The following FPGS variants were observed in gnomAD, a reference collection of about 807,000 sequenced individuals.
FPGS encodes the protein folylpolyglutamate synthase, mitochondrial.
In FPGS, 53 loss-of-function variants were observed where a neutral mutation model predicts 66.5. The ratio of observed to expected loss-of-function variants is 0.80; its 90% CI spans 0.64 to 1.00. FPGS has a LOEUF of 1.00. Among genes scored for constraint, FPGS ranks in the 50% least tolerant of loss-of-function variants. The pLI is 0.00. For missense variants in FPGS, 702 were observed against 807.7 expected (o/e 0.87, Z 1.59); for synonymous variants, 348 against 350.9 (o/e 0.99, Z 0.09).
At chr9:127,809,027 T>C in intron 11 of FPGS, 138 bp downstream of exon 11, 2 of 686,718 alleles carry the variant, frequency 2.9e-6, no homozygotes, top group East Asian at 5.5e-5. Context: ...AGGACTCTGA[T>C]GTCAGCAAAC....
Position 127,812,403 on chromosome 9 carries a change from T to C in FPGS, c.1355-792T>C, listed in dbSNP as rs183246339. 1.2e-3 allele frequency among the ~76,000 whole-genome samples: 183 copies of C among 151,544 alleles called. 3 individuals are homozygous for C. The highest frequency in any genetic ancestry group is 0.01 in the Admixed American group (152 of 15,130). On this transcript the variant is annotated intron_variant, in intron 14 of 14. Coordinates refer to ENST00000373247, the MANE Select transcript of FPGS (RefSeq NM_004957.6). ...TGGAGTGCAGTGGTGCCATCTCGGC[T>C]CATTGCAACTTCTGCCTCCCAGGTT...
At chr9:127,809,513 G>A (rs1034274330) in intron 11 of FPGS, among the ~76,000 whole-genome samples, 171 bp from the exon 12 acceptor site, 1 of 152,162 alleles carries the variant, frequency 6.6e-6, no homozygotes, top group Non-Finnish European at 1.5e-5. Context: ...TGAGACAGCC[G>A]AAAAGCCCAA....
At chr9:127,812,896 T>G (rs1830139019) in intron 14 of FPGS, among the ~76,000 whole-genome samples, 1 of 152,144 alleles carries the variant, frequency 6.6e-6, no homozygotes, top group South Asian at 2.1e-4. Context: ...CCCAGCTGGA[T>G]GTACATTTTA....
In FPGS at chr9:127,810,112, G is replaced by A. The variant is rs1274092360; in HGVS notation, c.1287+6G>A. 1.2e-6 allele frequency: 2 copies of A among 1,612,546 alleles called. No homozygotes were observed. The highest frequency in any genetic ancestry group is 2.2e-5 in the East Asian group (1 of 44,854). The stretch of plus-strand genomic sequence containing the variant: ...CCCTGCTGAAGCTGCTGCAGGTGAG[G>A]GGCCAACTTGGGGGTGGGCGGCAGG... On this transcript the variant is annotated splice_donor_region_variant and intron_variant, in intron 13 of 14. Coordinates refer to ENST00000373247, the MANE Select transcript of FPGS (RefSeq NM_004957.6).
At chr9:127,810,576 C>T (rs966343461) in intron 13 of FPGS, among the ~76,000 whole-genome samples, 1 of 152,108 alleles carries the variant, frequency 6.6e-6, no homozygotes, top group African/African-American at 2.4e-5. Flanking sequence ...TAGGTATCAT[C>T]TCCCATTTCA....
Position 127,802,964 on chromosome 9 carries a change from C to A in FPGS, c.40C>A (p.Leu14Met). Residue 14 changes from leucine (L) to methionine (M), a missense_variant, in exon 1 of 15, where the codon CTG becomes ATG. Physicochemically the swap from Leu to Met is conservative, Grantham distance 15 (BLOSUM62 2). This residue lies in a region of FPGS where 111 missense variants were observed against 95.4 expected (regional missense o/e 1.16). Coordinates refer to ENST00000373247, the MANE Select transcript of FPGS (RefSeq NM_004957.6). ...ARSHLRAALF[L>M]AAASARGITT... ...GAGCCACCTGCGCGCCGCTCTATTC[C>A]TGGCAGCGGCGTCTGCGCGCGGCAT... 6.9e-7 allele frequency: 1 copy of A among 1,452,392 alleles called. No homozygotes were observed. The highest frequency in any genetic ancestry group is 1.4e-5 in the South Asian group (1 of 73,702). The allele number at this position is 1,452,392 out of a possible 1,614,324, so 90.0% of individuals were successfully genotyped here. A position where few individuals can be genotyped will look rare whatever the true frequency, so the allele number is the denominator to read the frequency against.
In FPGS at chr9:127,810,050, T is replaced by TTGCTCTTCAA; in HGVS notation, c.1236_1245dup (p.Thr416LeufsTer22). 6.2e-7 allele frequency: 1 copy of TTGCTCTTCAA among 1,612,922 alleles called. No individual in the cohort carries two copies. The highest frequency in any genetic ancestry group is 1.1e-5 in the South Asian group (1 of 90,936). On this transcript the variant is annotated frameshift_variant, in exon 13 of 15. Coordinates refer to ENST00000373247, the MANE Select transcript of FPGS (RefSeq NM_004957.6). LOFTEE classifies it high-confidence loss of function. ...TCGCAGTGGCCCCGAGGTTCGAGTC[T>TTGCTCTTCAA]TGCTCTTCAATGCTACCGGGGACCG... is the stretch of plus-strand genomic sequence containing the variant.
In FPGS at chr9:127,809,680, C is replaced by T. The variant is rs1420128942; in HGVS notation, c.1061-4C>T. The T allele has an allele frequency of 2.0e-5, 32 of 1,585,756 alleles. No individual in the cohort carries two copies. The highest frequency in any genetic ancestry group is 2.6e-5 in the Non-Finnish European group (31 of 1,173,616). ...TGGAGGACTGCCTTGCTGCCCTCCC[C>T]CAGGGCTTCGGAACACGGAGTGGCC... On this transcript the variant is annotated splice_polypyrimidine_tract_variant and splice_region_variant and intron_variant, in intron 11 of 14. Coordinates refer to ENST00000373247, the MANE Select transcript of FPGS (RefSeq NM_004957.6).
At chr9:127,804,455 G>A (rs886101725) in intron 2 of FPGS, 42 bp downstream of exon 2, 1 of 1,613,904 alleles carries the variant, frequency 6.2e-7, no homozygotes, top group Non-Finnish European at 8.5e-7. Flanking sequence ...ACCCCCATTT[G>A]TGATTCCCGT....
chr9:127,812,779 G>A lies in FPGS; in HGVS notation c.1355-416G>A, dbSNP rs920640653. ...TGACCTCAGGTGATCCGCCCGCCTCGGCCTCCCAAAGTGCTGGGATTACAA... is the reference window on the plus strand; with the variant it reads ...TGACCTCAGGTGATCCGCCCGCCTCAGCCTCCCAAAGTGCTGGGATTACAA... On this transcript the variant is annotated intron_variant, in intron 14 of 14. Coordinates refer to ENST00000373247, the MANE Select transcript of FPGS (RefSeq NM_004957.6). 3.9e-5 allele frequency among the ~76,000 whole-genome samples: 6 copies of A among 152,028 alleles called. No homozygotes were observed. The South Asian group carries it at 6.2e-4, about 16-fold the overall frequency.
At position 127,807,978 on chromosome 9, in the gene FPGS, C is replaced by T. The variant is rs1174680406; in HGVS notation, c.745-256C>T. 3.0e-5 allele frequency: 17 copies of T among 572,532 alleles called. No individual in the cohort carries two copies. Among genetic ancestry groups the T allele is most frequent in the South Asian group, 4.5e-5 (2 of 44,892 alleles). 35.5% of individuals were successfully genotyped at this position (572,532 alleles called of 1,614,324 possible). On this transcript the variant is annotated intron_variant, in intron 8 of 14. Transcript: ENST00000373247. This position sits in a 1 kb window ranked among gnomAD's most constrained non-coding sequence, Gnocchi z 5.8. ...AAAATTAGCCAGGTGTGGTGGTGTA[C>T]GCCTGTAGTTCCAGCTACTTGGGAG...
In FPGS at chr9:127,809,851, G is replaced by A. The variant is rs929999338; in HGVS notation, c.1211+17G>A. 6.2e-6 allele frequency: 9 copies of A among 1,440,992 alleles called. No individual in the cohort carries two copies. The highest frequency in any genetic ancestry group is 5.9e-5 in the African/African-American group (4 of 67,864). The allele number at this position is 1,440,992 out of a possible 1,614,324, so 89.3% of individuals were successfully genotyped here. A position where few individuals can be genotyped will look rare whatever the true frequency, so the allele number is the denominator to read the frequency against. ...GCCGAGCGGGTGAGGGGCAGGGCTG[G>A]GGGTGGGGCCGGGGCTGGCCCACGA... On this transcript the variant is annotated intron_variant, in intron 12 of 14. Coordinates refer to ENST00000373247, the MANE Select transcript of FPGS (RefSeq NM_004957.6).
In FPGS at chr9:127,806,891, C is replaced by T. The variant is rs1394188591; in HGVS notation, c.387-82C>T. 4.0e-6 allele frequency: 4 copies of T among 1,008,190 alleles called. No homozygotes were observed. In the East Asian group the frequency reaches 7.1e-5, roughly 18 times the overall value. The allele number at this position is 1,008,190 out of a possible 1,614,324, so 62.5% of individuals were successfully genotyped here. Reference sequence around the variant, plus strand: ...ACACAGGAGAGATGAGGCACGGAGGCCAGTAGCATCAGTCCCTGCAGGGTG... The same window carrying T: ...ACACAGGAGAGATGAGGCACGGAGGTCAGTAGCATCAGTCCCTGCAGGGTG... On this transcript the variant is annotated intron_variant, in intron 4 of 14. Coordinates refer to ENST00000373247, the MANE Select transcript of FPGS (RefSeq NM_004957.6).
chr9:127,804,648 G>A lies in FPGS; in HGVS notation c.334G>A (p.Ala112Thr). The A allele has an allele frequency of 6.2e-7, 1 of 1,614,096 alleles. No individual in the cohort carries two copies. Among genetic ancestry groups the A allele is most frequent in the Non-Finnish European group, 8.5e-7 (1 of 1,180,020 alleles). ...TGTKGKGSTC[A>T]FTECILRSYG... ...CTTTTCTTTCAAGGGCTCCACCTGT[G>A]CCTTCACGGAATGTATCCTCCGAAG... is the stretch of plus-strand genomic sequence containing the variant. Residue 112 changes from alanine to threonine, a missense_variant, in exon 4 of 15, where the codon GCC (alanine) becomes ACC (threonine). Ala to Thr is a moderately conservative substitution (Grantham distance 58). Around this residue, in one of 3 missense-constraint regions of FPGS, gnomAD observed 240 missense variants for 348.6 expected, o/e 0.69. Coordinates refer to ENST00000373247, the MANE Select transcript of FPGS (RefSeq NM_004957.6).
At chr9:127,809,235 C>A (rs958371052) in intron 11 of FPGS, among the ~76,000 whole-genome samples, 1 of 152,176 alleles carries the variant, frequency 6.6e-6, no homozygotes, top group Non-Finnish European at 1.5e-5. Context: ...CTATCATCAT[C>A]ATCAGACCCT....
chr9:127,804,712 T>C lies in FPGS; in HGVS notation c.386+12T>C. The C allele has an allele frequency of 6.2e-7, 1 of 1,613,598 alleles. No individual in the cohort carries two copies. Among genetic ancestry groups the C allele is most frequent in the South Asian group, 1.1e-5 (1 of 91,056 alleles). ...ACGGGATTCTTTAGGTACTGGCTTG[T>C]GGGGGGATGTGGTGTCTGTGTCCCA... On this transcript the variant is annotated intron_variant, in intron 4 of 14. Coordinates refer to ENST00000373247, the MANE Select transcript of FPGS (RefSeq NM_004957.6).
chr9:127,813,642 T>C lies in FPGS; in HGVS notation c.*38T>C. On this transcript the variant is annotated 3_prime_UTR_variant, in exon 15 of 15. Transcript: ENST00000373247. ...GTTGGAGGTGGGAGCTTCCCACACC[T>C]GCCTGCGTTCTCCCCATGAACTTAC... 6.7e-7 allele frequency: 1 copy of C among 1,497,590 alleles called. No homozygotes were observed. The highest frequency in any genetic ancestry group is 8.9e-7 in the Non-Finnish European group (1 of 1,123,254). The allele number at this position is 1,497,590 out of a possible 1,614,324, so 92.8% of individuals were successfully genotyped here.
Position 127,809,675 on chromosome 9 carries a change from CT to C in FPGS, c.1061-8del. The stretch of plus-strand genomic sequence containing the variant: ...GGGCCTGGAGGACTGCCTTGCTGCC[CT>C]CCCCCAGGGCTTCGGAACACGGAGT... On this transcript the variant is annotated splice_region_variant and splice_polypyrimidine_tract_variant and intron_variant, in intron 11 of 14. Transcript: ENST00000373247. 6.3e-7 allele frequency: 1 copy of C among 1,583,188 alleles called. No individual in the cohort carries two copies.
chr9:127,811,273 T>C (rs1036151672), intron 14 of FPGS, among the ~76,000 whole-genome samples: 13 of 151,794 alleles, frequency 8.6e-5, no homozygotes, highest in African/African-American at 3.1e-4. Context: ...GGTCAGGAGA[T>C]TGAGACCATC....
Sources: gnomAD v4.1 joint callset for allele counts (sites outside exome capture counted in the v4.1 genomes callset) on GRCh38, gnomAD v4.1.1 for gene constraint, gnomAD v4.1.1 regional missense constraint, Gnocchi (gnomAD v3.1) non-coding constraint, MANE v1.5 for transcripts, NCBI Gene and HGNC (gene_info 2026-07-23, HGNC 2026-07-21) for gene names.